CACNA1C: variants seen among roughly 807,000 people sequenced by gnomAD.
The protein encoded by CACNA1C is calcium voltage-gated channel subunit alpha1 C, also known as voltage-dependent L-type calcium channel subunit alpha-1C.
CACNA1C carries 30 observed loss-of-function variants against 229.0 expected under a neutral mutation model. The observed-to-expected ratio is 0.13, with a 90% CI of 0.10 to 0.18. The LOEUF is 0.18. Among genes scored for constraint, CACNA1C ranks in the 10% least tolerant of loss-of-function variants. CACNA1C has a pLI of 1.00. For synonymous variants in CACNA1C, 1,114 were observed against 1,132.5 expected (o/e 0.98, Z 0.33); for missense variants, 1,658 against 2,845.0 (o/e 0.58, Z 9.49).
intron 1 of CACNA1C, among the ~76,000 whole-genome samples, chr12:2,099,011 C>T (rs951277947): frequency 2.0e-5 from 3 of 152,138 alleles, no homozygotes; most frequent in African/African-American, 4.8e-5. Context: ...TTGCTGAAGC[C>T]ACGTGGCTGT....
At chr12:2,527,414 A>C (rs750947675) in intron 9 of CACNA1C, among the ~76,000 whole-genome samples, 1 of 152,240 alleles carries the variant, frequency 6.6e-6, no homozygotes, top group Admixed American at 6.5e-5. Context: ...TTGACAGGCT[A>C]GCTTTAAAGG....
Position 2,078,328 on chromosome 12 carries a change from G to A in CACNA1C, c.49+24717G>A, listed in dbSNP as rs540910540. 1.6e-4 allele frequency among the ~76,000 whole-genome samples: 24 copies of A among 152,256 alleles called. No individual in the cohort carries two copies. In the East Asian group the frequency reaches 2.7e-3, roughly 17 times the overall value. On this transcript the variant is annotated intron_variant, in intron 1 of 46. Transcript: ENST00000399655. ...GAAATAAATTTTTGTTTCTTAAGCC[G>A]GCTAGTCTATGGTATTTTGCTATGA...
chr12:2,256,295 G>A (rs1373833635), intron 3 of CACNA1C, among the ~76,000 whole-genome samples: 1 of 152,166 alleles, frequency 6.6e-6, no homozygotes, highest in Non-Finnish European at 1.5e-5. Flanking sequence ...ATCAATGCAT[G>A]GGGTAATCAG....
intron 3 of CACNA1C, among the ~76,000 whole-genome samples, chr12:2,153,517 G>A (rs895413087): frequency 1.3e-5 from 2 of 152,102 alleles, no homozygotes; most frequent in African/African-American, 4.8e-5. Context: ...TCTACTTTCT[G>A]TCTATGAATT....
chr12:2,255,792 A>G (rs1009045985), intron 3 of CACNA1C, among the ~76,000 whole-genome samples: 4 of 152,302 alleles, frequency 2.6e-5, no homozygotes, highest in African/African-American at 7.2e-5. Flanking sequence ...AATAGACCTG[A>G]CCCTGACCTT....
intron 3 of CACNA1C, among the ~76,000 whole-genome samples, chr12:2,224,827 A>G (rs2062491589): frequency 6.6e-6 from 1 of 152,178 alleles, no homozygotes; most frequent in South Asian, 2.1e-4. Flanking sequence ...GGAGGGGATG[A>G]TAATGTCGTA....
chr12:2,040,346 A>C (rs1279830507), intron 1 of CACNA1C, among the ~76,000 whole-genome samples: 1 of 152,170 alleles, frequency 6.6e-6, no homozygotes, highest in East Asian at 1.9e-4. Flanking sequence ...AATGCATAGA[A>C]GTGACAGCAA....
In CACNA1C at chr12:2,144,601, T is replaced by A. The variant is rs1045020025; in HGVS notation, c.477+24171T>A. ...TCATTTATAACTCACCTCTAAAATG[T>A]TTAGGTTTGGGGTGTGACTATATTT... On this transcript the variant is annotated intron_variant, in intron 3 of 46. Coordinates refer to ENST00000399655, the MANE Select transcript of CACNA1C (RefSeq NM_000719.7). 2.6e-5 allele frequency among the ~76,000 whole-genome samples: 4 copies of A among 151,492 alleles called. 1 individual carries two copies. The highest frequency in any genetic ancestry group is 6.6e-5 in the Admixed American group (1 of 15,118).
chr12:2,079,536 C>T (rs1028095293), intron 1 of CACNA1C, among the ~76,000 whole-genome samples: 8 of 152,054 alleles, frequency 5.3e-5, no homozygotes, highest in Admixed American at 2.6e-4. Context: ...TATAAGGGCA[C>T]GAATCCCACT....
intron 1 of CACNA1C, among the ~76,000 whole-genome samples, chr12:2,010,290 T>C (rs1233659008): frequency 6.6e-6 from 1 of 152,130 alleles, no homozygotes; most frequent in Non-Finnish European, 1.5e-5. Context: ...TTCTGCAGGG[T>C]TATACAAAAG....
intron 3 of CACNA1C, among the ~76,000 whole-genome samples, chr12:2,409,506 C>G (rs925516583): frequency 1.3e-5 from 2 of 152,232 alleles, no homozygotes; most frequent in African/African-American, 4.8e-5. Context: ...ATATATTAAC[C>G]AGCAGTGGAC....
intron 15 of CACNA1C, among the ~76,000 whole-genome samples, chr12:2,583,770 C>T (rs1196780181): frequency 6.6e-6 from 1 of 152,208 alleles, no homozygotes; most frequent in African/African-American, 2.4e-5. Context: ...GCATGCAAGG[C>T]CTCTGCCACA....
At chr12:2,117,679 A>G (rs1220915315) in intron 2 of CACNA1C, among the ~76,000 whole-genome samples, 1 of 152,258 alleles carries the variant, frequency 6.6e-6, no homozygotes, top group African/African-American at 2.4e-5. Flanking sequence ...AGTAGATACT[A>G]GGTGGGACCG....
rs941940672 is a variant in CACNA1C at position 2,679,076 on chromosome 12, G to A, written c.5092-368G>A. Among the ~76,000 whole-genome samples the A allele has an allele frequency of 2.0e-5, 3 of 152,094 alleles. No homozygotes were observed. The highest frequency in any genetic ancestry group is 2.0e-4 in the Admixed American group (3 of 15,276). On this transcript the variant is annotated intron_variant, in intron 41 of 46. Transcript: ENST00000399655. The surrounding 1 kb of genome is among the most constrained non-coding windows in gnomAD (Gnocchi z 5.5). ...CTCACGGTGTGCTGGCTGCTCTTAG[G>A]GACCACCATCCTAGACGTGCCCTGG...
At chr12:2,637,677 A>C (rs1568973200) in intron 30 of CACNA1C, among the ~76,000 whole-genome samples, 1 of 152,210 alleles carries the variant, frequency 6.6e-6, no homozygotes, top group Non-Finnish European at 1.5e-5. Flanking sequence ...CGGCCCCAGC[A>C]TTTTCTTCCA....
chr12:2,196,969 GGA>G (rs1202500382), intron 3 of CACNA1C, among the ~76,000 whole-genome samples: 13 of 152,178 alleles, frequency 8.5e-5, no homozygotes, highest in Non-Finnish European at 1.9e-4. Context: ...CAGATTTTGA[GGA>G]GGACAGAACC....
At position 2,651,489 on chromosome 12, in the gene CACNA1C, C is replaced by T. The variant is rs568886708; in HGVS notation, c.3946-151C>T. 3.4e-5 allele frequency: 39 copies of T among 1,148,802 alleles called. No homozygotes were observed. Among genetic ancestry groups the T allele is most frequent in the East Asian group, 3.3e-4 (14 of 42,278 alleles). 71.2% of individuals were successfully genotyped at this position (1,148,802 alleles called of 1,614,324 possible). A position where few individuals can be genotyped will look rare whatever the true frequency, so the allele number is the denominator to read the frequency against. ...CTGTCCACTCATTAAAGTGGGCGGC[C>T]GCCCTCCCATCGGAGGGGGAAGTCT... On this transcript the variant is annotated intron_variant, in intron 31 of 46. Coordinates refer to ENST00000399655, the MANE Select transcript of CACNA1C (RefSeq NM_000719.7). This position sits in a 1 kb window ranked among gnomAD's most constrained non-coding sequence, Gnocchi z 5.4.
intron 3 of CACNA1C, among the ~76,000 whole-genome samples, chr12:2,200,454 C>T (rs1328963162): frequency 6.6e-6 from 1 of 152,066 alleles, no homozygotes; most frequent in Non-Finnish European, 1.5e-5. Flanking sequence ...GGATAGAGGC[C>T]AGGGAAGCCG....
chr12:2,058,305 C>G (rs1225654670), intron 1 of CACNA1C, among the ~76,000 whole-genome samples: 1 of 152,160 alleles, frequency 6.6e-6, no homozygotes, highest in Non-Finnish European at 1.5e-5. Context: ...TCACCTCTTC[C>G]TTGCTGGGAC....
Sources: gnomAD v4.1 joint callset for allele counts (sites outside exome capture counted in the v4.1 genomes callset) on GRCh38, gnomAD v4.1.1 for gene constraint, Gnocchi (gnomAD v3.1) non-coding constraint, MANE v1.5 for transcripts, NCBI Gene and HGNC (gene_info 2026-07-23, HGNC 2026-07-21) for gene names.